Variants in ALG6 observed in about 807,000 individuals in gnomAD.
The protein encoded by ALG6 is dolichyl pyrophosphate Man9GlcNAc2 alpha-1,3-glucosyltransferase.
Under a neutral mutation model 66.6 loss-of-function variants are expected in ALG6, and 46 were observed. The observed-to-expected ratio is 0.69, with a 90% CI of 0.55 to 0.88. The LOEUF is 0.88. Among genes scored for constraint, ALG6 ranks in the 40% least tolerant of loss-of-function variants. The pLI, the probability that ALG6 is intolerant of heterozygous loss-of-function variation, is 0.00. For synonymous variants in ALG6, 185 were observed against 203.7 expected (o/e 0.91, Z 0.78); for missense variants, 505 against 586.8 (o/e 0.86, Z 1.44).
intron 2 of ALG6, among the ~76,000 whole-genome samples, chr1:63,374,224 A>G (rs886463509): frequency 6.6e-6 from 1 of 152,202 alleles, no homozygotes; most frequent in Non-Finnish European, 1.5e-5. Flanking sequence ...TAAATGTAGC[A>G]GTTGACTTGG....
chr1:63,380,164 A>C (rs1195620328), intron 2 of ALG6, among the ~76,000 whole-genome samples: 1 of 152,182 alleles, frequency 6.6e-6, no homozygotes, highest in African/African-American at 2.4e-5. Context: ...AAACCAGACA[A>C]CTTTACAAAA....
rs1644518821 is a variant in ALG6, at chr1:63,411,986, G to A, written c.741G>A (p.Leu247=). Residue 247 remains leucine, a synonymous_variant, in exon 9 of 15, where the codon CTG becomes CTA. Transcript: ENST00000263440. ...IVVASFVLCW[L]PFFTEREQTL... ...TGGCTTCCTTCGTTCTCTGCTGGCT[G>A]CCATTCTTTACAGAAAGGGAACAAA... is the stretch of plus-strand genomic sequence containing the variant. 6.2e-7 allele frequency: 1 copy of A among 1,614,116 alleles called. No homozygotes were observed. Among genetic ancestry groups the A allele is most frequent in the Non-Finnish European group, 8.5e-7 (1 of 1,180,008 alleles).
chr1:63,415,263 G>T (rs1170039679), intron 10 of ALG6, among the ~76,000 whole-genome samples: 1 of 152,118 alleles, frequency 6.6e-6, no homozygotes, highest in African/African-American at 2.4e-5. Flanking sequence ...GCTTTCAGGG[G>T]CTATTTCCCA....
intron 12 of ALG6, among the ~76,000 whole-genome samples, chr1:63,421,574 G>C (rs1465358804): frequency 6.6e-6 from 1 of 152,128 alleles, no homozygotes; most frequent in African/African-American, 2.4e-5. Context: ...ACATGCACAT[G>C]TATGTTTATT....
intron 7 of ALG6, among the ~76,000 whole-genome samples, chr1:63,409,216 A>G (rs1428041932): frequency 6.6e-6 from 1 of 152,246 alleles, no homozygotes; most frequent in Admixed American, 6.5e-5. Context: ...TTCCTGGGAG[A>G]CACTAAGCAT....
chr1:63,406,785 A>C (rs894266431), intron 6 of ALG6, among the ~76,000 whole-genome samples: 7 of 152,058 alleles, frequency 4.6e-5, no homozygotes, highest in African/African-American at 1.7e-4. Flanking sequence ...TTAACATTAG[A>C]TTGACTTCTC....
At chr1:63,374,925 G>T (rs1648066756) in intron 2 of ALG6, among the ~76,000 whole-genome samples, 2 of 152,124 alleles carry the variant, frequency 1.3e-5, no homozygotes, top group Non-Finnish European at 2.9e-5. Flanking sequence ...ACATAAAAAT[G>T]TAGGCTGAGC....
chr1:63,368,721 G>C (rs573724197), intron 1 of ALG6, among the ~76,000 whole-genome samples: 3 of 151,974 alleles, frequency 2.0e-5, no homozygotes, highest in Non-Finnish European at 4.4e-5. Context: ...GGCTGGTCTC[G>C]AACTCCTGAC....
intron 3 of ALG6, among the ~76,000 whole-genome samples, chr1:63,397,421 G>A (rs1017362855): frequency 1.3e-5 from 2 of 151,944 alleles, no homozygotes; most frequent in Admixed American, 1.3e-4. Flanking sequence ...TCCTAACCTC[G>A]TGATCCACCC....
intron 3 of ALG6, among the ~76,000 whole-genome samples, chr1:63,397,376 A>G (rs1570053127): frequency 2.0e-5 from 3 of 151,988 alleles, no homozygotes; most frequent in African/African-American, 4.8e-5. Flanking sequence ...TAGTAGAGAC[A>G]GGGTTTCACC....
intron 1 of ALG6, among the ~76,000 whole-genome samples, chr1:63,369,228 A>G (rs1474641551): frequency 6.6e-6 from 1 of 152,248 alleles, no homozygotes; most frequent in African/African-American, 2.4e-5. Flanking sequence ...TAGGATAGTC[A>G]GGGATGATCT....
At chr1:63,395,220 TGTTA>T (rs772368219) in intron 2 of ALG6, among the ~76,000 whole-genome samples, 2 of 152,164 alleles carry the variant, frequency 1.3e-5, no homozygotes, top group African/African-American at 2.4e-5. Flanking sequence ...CACTATCAAG[TGTTA>T]GTTATTACAA....
At chr1:63,394,075 A>G (rs1285488207) in intron 2 of ALG6, among the ~76,000 whole-genome samples, 2 of 152,244 alleles carry the variant, frequency 1.3e-5, no homozygotes, top group East Asian at 3.8e-4. Context: ...TATAGCGTTT[A>G]AAGAATATTG....
At chr1:63,368,091 G>T (rs1482877978) in intron 1 of ALG6, among the ~76,000 whole-genome samples, 3 of 152,150 alleles carry the variant, frequency 2.0e-5, no homozygotes, top group Non-Finnish European at 4.4e-5. Context: ...TTCTGGGATG[G>T]GGACGGCGGG....
At chr1:63,419,288 A>T (rs1570077760) in intron 11 of ALG6, 82 bp from the exon 12 acceptor site, 1 of 1,167,180 alleles carries the variant, frequency 8.6e-7, no homozygotes, top group Admixed American at 1.9e-5. Flanking sequence ...ATTTGAAATG[A>T]TTTTTATTTA....
chr1:63,379,324 TTGG>T, intron 2 of ALG6, among the ~76,000 whole-genome samples: 1 of 152,350 alleles, frequency 6.6e-6, no homozygotes, highest in East Asian at 1.9e-4. Context: ...GGTCATGTAC[TTGG>T]TGTGAATTCA....
chr1:63,403,060 A>C (rs1361267671), intron 4 of ALG6, among the ~76,000 whole-genome samples: 1 of 133,778 alleles, frequency 7.5e-6, no homozygotes, highest in African/African-American at 2.8e-5. Context: ...ACGCCACTGC[A>C]TTCCATCCTG....
chr1:63,385,073 G>C (rs1037229502), intron 2 of ALG6, among the ~76,000 whole-genome samples: 46 of 151,786 alleles, frequency 3.0e-4, no homozygotes, highest in African/African-American at 1.0e-3. Context: ...GGGTAGAATG[G>C]ACATTTAATG....
In ALG6 at chr1:63,373,914, G is replaced by A. The variant is rs142091906; in HGVS notation, c.82+2855G>A. Among the ~76,000 whole-genome samples, 545 of 151,966 alleles carry A rather than the reference G, an allele frequency of 3.6e-3. 2 individuals are homozygous for A. The highest frequency in any genetic ancestry group is 0.012 in the African/African-American group (492 of 41,462). ...TGGGATTATAGGTGTGAGCCACTGC[G>A]CCCAATTTTTTCAAATACTCTGGCT... On this transcript the variant is annotated intron_variant, in intron 2 of 14. Coordinates refer to ENST00000263440, the MANE Select transcript of ALG6 (RefSeq NM_013339.4).
Sources: gnomAD v4.1 joint callset for allele counts (sites outside exome capture counted in the v4.1 genomes callset) on GRCh38, gnomAD v4.1.1 for gene constraint, MANE v1.5 for transcripts, NCBI Gene and HGNC (gene_info 2026-07-23, HGNC 2026-07-21) for gene names.